Variants in PTPRD observed in about 807,000 individuals in gnomAD.
PTPRD encodes the protein receptor-type tyrosine-protein phosphatase delta.
PTPRD carries 34 observed loss-of-function variants against 214.5 expected under a neutral mutation model. That is an observed-to-expected ratio of 0.16 (90% CI 0.12 to 0.21). The LOEUF (loss-of-function observed/expected upper bound fraction) is 0.21. PTPRD is among the 10% of genes least tolerant of loss of function. PTPRD has a pLI of 1.00. For missense variants in PTPRD, 2,545 were observed against 2,398.7 expected (o/e 1.06, Z -1.27); for synonymous variants, 1,128 against 845.7 (o/e 1.33, Z -5.79).
intron 3 of PTPRD, among the ~76,000 whole-genome samples, chr9:10,160,575 C>T (rs1474020298): frequency 6.6e-6 from 1 of 151,774 alleles, no homozygotes; most frequent in African/African-American, 2.4e-5. Flanking sequence ...AAAAAACATA[C>T]CTCATGAAAA....
intron 12 of PTPRD, among the ~76,000 whole-genome samples, chr9:8,693,649 G>A (rs1247549001): frequency 6.6e-6 from 1 of 152,166 alleles, no homozygotes; most frequent in Non-Finnish European, 1.5e-5. Context: ...ATCGCTCTCT[G>A]GTTACGAGGA....
intron 5 of PTPRD, among the ~76,000 whole-genome samples, chr9:9,798,328 A>G (rs1057291823): frequency 6.6e-6 from 1 of 152,194 alleles, no homozygotes; most frequent in Non-Finnish European, 1.5e-5. Flanking sequence ...ATGAAGACTC[A>G]AAGAAATAGA....
At chr9:9,633,509 A>AT (rs1243168937) in intron 7 of PTPRD, among the ~76,000 whole-genome samples, 4 of 128,838 alleles carry the variant, frequency 3.1e-5, no homozygotes. Flanking sequence ...ATTTAGATGT[A>AT]AGGTTAAAAG....
Position 8,407,942 on chromosome 9 carries a change from A to G in PTPRD, c.4087-3282T>C, listed in dbSNP as rs2093165488. ...TAACAACTGAAAGTTGGTGAGGTAT[A>G]CTAAGATCTTTCATATTTCAAAAAA... On this transcript the variant is annotated intron_variant, in intron 35 of 45. Coordinates refer to ENST00000381196, the MANE Select transcript of PTPRD (RefSeq NM_002839.4). Among the ~76,000 whole-genome samples, 3 of 152,224 alleles carry G rather than the reference A, an allele frequency of 2.0e-5. No individual in the cohort carries two copies. The South Asian group carries it at 6.2e-4, about 32-fold the overall frequency.
At chr9:8,681,367 A>T (rs1235996371) in intron 12 of PTPRD, among the ~76,000 whole-genome samples, 1 of 152,236 alleles carries the variant, frequency 6.6e-6, no homozygotes, top group Non-Finnish European at 1.5e-5. Flanking sequence ...AAAAAGAAAG[A>T]AAAAGAGAGG....
intron 2 of PTPRD, among the ~76,000 whole-genome samples, chr9:10,455,122 C>G (rs915604545): frequency 2.6e-5 from 4 of 151,734 alleles, no homozygotes; most frequent in African/African-American, 9.7e-5. Flanking sequence ...GAAAACTGCT[C>G]ACTCAAAGCT....
At chr9:8,763,489 G>T (rs934082603) in intron 11 of PTPRD, among the ~76,000 whole-genome samples, 1 of 151,954 alleles carries the variant, frequency 6.6e-6, no homozygotes, top group East Asian at 1.9e-4. Flanking sequence ...CTCCAGCCTG[G>T]GTGACAGAGT....
At position 8,389,885 on chromosome 9, in the gene PTPRD, T is replaced by G. The variant is rs115015998; in HGVS notation, c.4211-478A>C. ...ACAGGAAACTCATATATAAACTCAT[T>G]TAATATTTACAACAACTCTGCAGTA... On this transcript the variant is annotated intron_variant, in intron 36 of 45. Coordinates refer to ENST00000381196, the MANE Select transcript of PTPRD (RefSeq NM_002839.4). 8.9e-3 allele frequency among the ~76,000 whole-genome samples: 1,351 copies of G among 152,220 alleles called. 18 individuals are homozygous for G. Among genetic ancestry groups the G allele is most frequent in the African/African-American group, 0.03 (1,255 of 41,546 alleles).
intron 11 of PTPRD, among the ~76,000 whole-genome samples, chr9:8,768,500 C>T (rs2094939147): frequency 6.6e-6 from 1 of 152,216 alleles, no homozygotes; most frequent in East Asian, 1.9e-4. Context: ...CTGCAGTGAG[C>T]ACAGATTGAA....
rs1045192908 is a variant in PTPRD at position 8,707,377 on chromosome 9, G to C, written c.64+26403C>G. 2.0e-5 allele frequency among the ~76,000 whole-genome samples: 3 copies of C among 152,194 alleles called. No homozygotes were observed. The South Asian group carries it at 6.2e-4, about 32-fold the overall frequency. ...AAAGCAAGTAATGGACCAAAGACAG[G>C]AACATGCCCTTTTGGTCAGCCAGCT... is the stretch of plus-strand genomic sequence containing the variant. On this transcript the variant is annotated intron_variant, in intron 12 of 45. Transcript: ENST00000381196.
chr9:9,845,314 T>C (rs996462807), intron 5 of PTPRD, among the ~76,000 whole-genome samples: 14 of 147,968 alleles, frequency 9.5e-5, no homozygotes, highest in Admixed American at 2.7e-4. Flanking sequence ...TATTACAAAG[T>C]CAAAAATGCT....
chr9:10,410,042 C>T (rs1486242117), intron 2 of PTPRD, among the ~76,000 whole-genome samples: 12 of 151,280 alleles, frequency 7.9e-5, no homozygotes, highest in South Asian at 2.1e-4. Context: ...CATCAAGCCA[C>T]GAATTCTTGG....
chr9:9,322,976 T>G (rs773916681), intron 9 of PTPRD, among the ~76,000 whole-genome samples: 1 of 152,180 alleles, frequency 6.6e-6, no homozygotes, highest in African/African-American at 2.4e-5. Context: ...AAAAATAATA[T>G]ATAAACCTTC....
intron 2 of PTPRD, among the ~76,000 whole-genome samples, chr9:10,496,411 A>G (rs897710209): frequency 6.2e-5 from 9 of 145,278 alleles, no homozygotes; most frequent in Non-Finnish European, 1.1e-4. Context: ...TAAATCATTT[A>G]TTTATTAAAC....
rs146846820 is a variant in PTPRD, at chr9:8,966,164, A to C, written c.-104+52533T>G. 2.0e-3 allele frequency among the ~76,000 whole-genome samples: 304 copies of C among 152,140 alleles called. 2 individuals carry two copies. In the East Asian group the frequency reaches 0.022, roughly 11 times the overall value. Reference sequence around the variant, plus strand: ...ACAGTCCATGCATATGGATTGGAAGACTCAATATTACTAAAAGCAATCTAT... The same window carrying C: ...ACAGTCCATGCATATGGATTGGAAGCCTCAATATTACTAAAAGCAATCTAT... On this transcript the variant is annotated intron_variant, in intron 11 of 45. Transcript: ENST00000381196.
In PTPRD at chr9:10,097,478, G is replaced by T. The variant is rs574897741; in HGVS notation, c.-544-63688C>A. Among the ~76,000 whole-genome samples, 8 of 151,374 alleles carry T rather than the reference G, an allele frequency of 5.3e-5. No homozygotes were observed. In the East Asian group the frequency reaches 1.4e-3, roughly 26 times the overall value. On this transcript the variant is annotated intron_variant, in intron 3 of 45. Coordinates refer to ENST00000381196, the MANE Select transcript of PTPRD (RefSeq NM_002839.4). ...CATCCCTTGTAAGTTGAATTCCTAG[G>T]TATTTTATTCTCTTTGAAGCAATTG...
At chr9:9,322,451 G>A (rs1052800121) in intron 9 of PTPRD, among the ~76,000 whole-genome samples, 2 of 152,128 alleles carry the variant, frequency 1.3e-5, no homozygotes, top group South Asian at 2.1e-4. Flanking sequence ...GTAGCTAGTG[G>A]CAAGATGTGG....
chr9:8,462,908 T>C (rs1396739283), intron 32 of PTPRD, among the ~76,000 whole-genome samples: 1 of 151,936 alleles, frequency 6.6e-6, no homozygotes, highest in African/African-American at 2.4e-5. Flanking sequence ...TTATATATTA[T>C]TTGTGTTTAT....
intron 35 of PTPRD, among the ~76,000 whole-genome samples, chr9:8,434,222 T>A (rs1057424147): frequency 1.3e-5 from 2 of 152,182 alleles, no homozygotes; most frequent in Non-Finnish European, 2.9e-5. Flanking sequence ...ACTCAGGTGA[T>A]CCACCTGCTT....
Sources: allele counts gnomAD v4.1 joint callset (sites outside exome capture counted in the v4.1 genomes callset), GRCh38; gene constraint gnomAD v4.1.1; transcripts MANE v1.5; gene names NCBI Gene and HGNC (gene_info 2026-07-23, HGNC 2026-07-21).